Variants in ERICH1 observed in about 807,000 individuals in gnomAD.
ERICH1 encodes glutamate-rich protein 1.
Under a neutral mutation model 39.6 loss-of-function variants are expected in ERICH1, and 56 were observed. The observed-to-expected ratio is 1.41, with a 90% CI of 1.14 to 1.77. The LOEUF (loss-of-function observed/expected upper bound fraction) is 1.77, where lower values mean the gene tolerates loss of function less well. ERICH1 is among the 40% of genes most tolerant of loss of function. The pLI, the probability that ERICH1 is intolerant of heterozygous loss-of-function variation, is 0.00. For synonymous variants in ERICH1, 313 were observed against 223.6 expected (o/e 1.40, Z -3.57); for missense variants, 826 against 575.4 (o/e 1.44, Z -4.45).
At chr8:654,064 T>C (rs1400666378) in intron 3 of ERICH1, among the ~76,000 whole-genome samples, 1 of 152,206 alleles carries the variant, frequency 6.6e-6, no homozygotes, top group Non-Finnish European at 1.5e-5. Flanking sequence ...AGTTCCTGTC[T>C]GATGGGGACA....
intron 1 of ERICH1, among the ~76,000 whole-genome samples, chr8:727,970 G>A (rs1250561249): frequency 6.6e-6 from 1 of 152,192 alleles, no homozygotes; most frequent in African/African-American, 2.4e-5. Flanking sequence ...CAGGCCTCAT[G>A]CAGGGAGACA....
At chr8:617,768 C>T (rs922202051) in intron 3 of ERICH1, among the ~76,000 whole-genome samples, 7 of 142,442 alleles carry the variant, frequency 4.9e-5, no homozygotes, top group South Asian at 2.3e-4. Context: ...CTGTCCTCTG[C>T]GTGATTGGTG....
chr8:648,503 A>C (rs1328496575), intron 3 of ERICH1, among the ~76,000 whole-genome samples: 2 of 19,278 alleles, frequency 1.0e-4, no homozygotes, highest in African/African-American at 2.7e-4. Context: ...AAGAAAAAGC[A>C]AAAAAAAAAA....
At chr8:730,608 G>A (rs940949459) in intron 1 of ERICH1, among the ~76,000 whole-genome samples, 2 of 152,148 alleles carry the variant, frequency 1.3e-5, no homozygotes, top group African/African-American at 4.8e-5. Flanking sequence ...TCCTGTCTTT[G>A]GTACTAATGC....
At chr8:621,490 T>C (rs1743479070) in intron 3 of ERICH1, among the ~76,000 whole-genome samples, 1 of 151,508 alleles carries the variant, frequency 6.6e-6, no homozygotes, top group Admixed American at 6.6e-5. Flanking sequence ...CAACTATATG[T>C]TAATAAAAAT....
At chr8:626,158 G>A (rs1320352270) in intron 3 of ERICH1, 3 of 152,142 alleles carry the variant, frequency 2.0e-5, no homozygotes, top group African/African-American at 7.2e-5. Context: ...CATATTTCGT[G>A]GCTGTTTTAA....
chr8:627,818 C>G (rs1797680291), intron 3 of ERICH1, among the ~76,000 whole-genome samples: 1 of 152,186 alleles, frequency 6.6e-6, no homozygotes, highest in South Asian at 2.1e-4. Flanking sequence ...TAGCAAAGAG[C>G]CAGCAAGGGT....
intron 3 of ERICH1, among the ~76,000 whole-genome samples, chr8:658,769 G>T (rs1801003549): frequency 6.6e-6 from 1 of 152,200 alleles, no homozygotes; most frequent in Non-Finnish European, 1.5e-5. Flanking sequence ...CAGCCTCAGG[G>T]CAAGGCCTCG....
chr8:620,385 T>C (rs1797208792), intron 3 of ERICH1, among the ~76,000 whole-genome samples: 1 of 152,072 alleles, frequency 6.6e-6, no homozygotes, highest in Non-Finnish European at 1.5e-5. Context: ...TCAATAAAAA[T>C]AATATTTAAA....
intron 3 of ERICH1, among the ~76,000 whole-genome samples, chr8:685,815 A>G (rs1807203294): frequency 6.6e-6 from 1 of 151,874 alleles, no homozygotes; most frequent in African/African-American, 2.4e-5. Context: ...TCTATTCCTG[A>G]GAGTCTCTTC....
intron 3 of ERICH1, 108 bp downstream of exon 3, chr8:692,370 C>T: frequency 6.7e-7 from 1 of 1,492,920 alleles, no homozygotes; most frequent in Non-Finnish European, 9.1e-7. Context: ...AACATGCTCA[C>T]CCACCCCCCA....
intron 3 of ERICH1, among the ~76,000 whole-genome samples, chr8:622,983 T>TAAATAAATAAATAAAA (rs1563161595): frequency 3.3e-5 from 5 of 151,040 alleles, no homozygotes; most frequent in African/African-American, 2.5e-5. Context: ...AATAAATAAA[T>TAAATAAATAAATAAAA]AAAACATCAA....
intron 3 of ERICH1, among the ~76,000 whole-genome samples, chr8:676,706 A>G (rs1330664115): frequency 1.3e-5 from 2 of 152,296 alleles, no homozygotes; most frequent in South Asian, 2.1e-4. Context: ...TAAAGTCTAT[A>G]CCACGGGCGT....
intron 3 of ERICH1, among the ~76,000 whole-genome samples, chr8:680,953 G>A (rs1805983192): frequency 6.6e-6 from 1 of 152,224 alleles, no homozygotes. Flanking sequence ...GAGACCTGGT[G>A]GTGACGGACA....
intron 2 of ERICH1, among the ~76,000 whole-genome samples, chr8:698,374 A>T (rs1810875210): frequency 2.0e-5 from 3 of 152,006 alleles, no homozygotes; most frequent in Non-Finnish European, 4.4e-5. Flanking sequence ...GTGCACCACC[A>T]CGCCCAGATA....
intron 4 of ERICH1, chr8:672,340 G>A (rs1368069685): frequency 6.6e-6 from 1 of 152,240 alleles, no homozygotes; most frequent in Non-Finnish European, 1.5e-5. Context: ...AATCTGCTGA[G>A]AAACACGCTA....
At chr8:674,245 G>A (rs1563231046) in intron 3 of ERICH1, among the ~76,000 whole-genome samples, 198 bp from the exon 4 acceptor site, 1 of 149,648 alleles carries the variant, frequency 6.7e-6, no homozygotes, top group East Asian at 2.0e-4. Context: ...TACACTCACA[G>A]ATGCGACAAT....
At chr8:700,842 T>TA (rs766804287) in intron 2 of ERICH1, among the ~76,000 whole-genome samples, 21 of 152,208 alleles carry the variant, frequency 1.4e-4, no homozygotes, top group Non-Finnish European at 2.5e-4. Context: ...AGATGGCAGA[T>TA]AAGAGGAAAA....
intron 3 of ERICH1, among the ~76,000 whole-genome samples, chr8:685,913 G>A (rs748547742): frequency 1.1e-4 from 17 of 151,220 alleles, no homozygotes; most frequent in African/African-American, 2.4e-5. Context: ...GGGAGGCCAA[G>A]GCAAGCAGAT....
Sources: allele counts gnomAD v4.1 joint callset (sites outside exome capture counted in the v4.1 genomes callset), GRCh38; gene constraint gnomAD v4.1.1; transcripts MANE v1.5; gene names NCBI Gene and HGNC (gene_info 2026-07-23, HGNC 2026-07-21).